SNX24: variants seen among roughly 807,000 people sequenced by gnomAD.
SNX24 encodes the protein sorting nexin-24.
Under a neutral mutation model 28.7 loss-of-function variants are expected in SNX24, and 22 were observed. That is an observed-to-expected ratio of 0.77 (90% CI 0.55 to 1.10). The LOEUF (loss-of-function observed/expected upper bound fraction) is 1.10, where lower values mean the gene tolerates loss of function less well. Ranked by LOEUF, SNX24 falls within the 50% of genes least tolerant of loss-of-function variation. The pLI is 0.00. For synonymous variants in SNX24, 69 were observed against 71.5 expected (o/e 0.96, Z 0.18); for missense variants, 221 against 201.1 (o/e 1.10, Z -0.60).
chr5:122,921,802 CA>C (rs1171590484), intron 1 of SNX24, among the ~76,000 whole-genome samples: 71 of 144,620 alleles, frequency 4.9e-4, no homozygotes, highest in African/African-American at 1.4e-3. Context: ...CCCATGGTAA[CA>C]AAAAAAAAAG....
intron 1 of SNX24, among the ~76,000 whole-genome samples, chr5:122,875,268 T>G (rs187838009): frequency 2.8e-4 from 43 of 152,310 alleles, no homozygotes; most frequent in African/African-American, 9.6e-4. Flanking sequence ...AACTGATTAA[T>G]GATATAATTT....
intron 1 of SNX24, among the ~76,000 whole-genome samples, chr5:122,897,221 A>G (rs1277204869): frequency 6.6e-6 from 1 of 152,170 alleles, no homozygotes; most frequent in Non-Finnish European, 1.5e-5. Context: ...GAAATCAAAG[A>G]TGTCATTAGA....
intron 3 of SNX24, among the ~76,000 whole-genome samples, chr5:122,993,956 C>T (rs760581660): frequency 2.6e-5 from 4 of 152,138 alleles, no homozygotes; most frequent in Non-Finnish European, 5.9e-5. Flanking sequence ...TCTTGTAAAC[C>T]TCTTGACTTA....
downstream of SNX24, among the ~76,000 whole-genome samples, chr5:123,012,667 T>C (rs985882125): frequency 3.0e-4 from 46 of 152,204 alleles, no homozygotes; most frequent in Non-Finnish European, 6.3e-4. Flanking sequence ...CATGTATATT[T>C]TACCACAATA....
intron 1 of SNX24, among the ~76,000 whole-genome samples, chr5:122,896,164 A>G (rs950572583): frequency 3.3e-5 from 5 of 152,184 alleles, no homozygotes; most frequent in Non-Finnish European, 7.3e-5. Context: ...ACAAACAAAC[A>G]TATAGAAGCA....
chr5:122,986,102 G>A (rs1404784221), intron 3 of SNX24, among the ~76,000 whole-genome samples: 5 of 152,200 alleles, frequency 3.3e-5, no homozygotes, highest in Non-Finnish European at 5.9e-5. Context: ...CAGATGGGTG[G>A]ATGTGGCTAT....
At chr5:122,973,730 TG>T in intron 3 of SNX24, among the ~76,000 whole-genome samples, 1 of 152,326 alleles carries the variant, frequency 6.6e-6, no homozygotes, top group East Asian at 1.9e-4. Context: ...TCAGGTTGCA[TG>T]GTAAGTTGGC....
chr5:122,865,465 G>T (rs150434585), intron 1 of SNX24, among the ~76,000 whole-genome samples: 4,259 of 152,152 alleles, frequency 0.028, 173 homozygotes, highest in African/African-American at 0.084. Flanking sequence ...TGAGTAGCTG[G>T]GATTACAGGT....
At chr5:123,011,617 CAAG>C (rs546472222), downstream of SNX24, among the ~76,000 whole-genome samples, 2 of 152,162 alleles carry the variant, frequency 1.3e-5, no homozygotes, top group Admixed American at 6.5e-5. Context: ...AGTGCTGCAT[CAAG>C]AAGAATTCTG....
At chr5:122,873,203 G>A (rs1362334628) in intron 1 of SNX24, among the ~76,000 whole-genome samples, 2 of 151,968 alleles carry the variant, frequency 1.3e-5, no homozygotes, top group East Asian at 1.9e-4. Flanking sequence ...TCAAACTCCC[G>A]GGCTTGAGTA....
At chr5:122,897,636 C>T (rs1023974687) in intron 1 of SNX24, among the ~76,000 whole-genome samples, 1 of 152,132 alleles carries the variant, frequency 6.6e-6, no homozygotes, top group Admixed American at 6.5e-5. Context: ...AAAAAATTAA[C>T]GTGCAATGAA....
intron 5 of SNX24, among the ~76,000 whole-genome samples, chr5:123,019,098 T>C (rs139067919): frequency 5.3e-5 from 8 of 152,306 alleles, no homozygotes; most frequent in Non-Finnish European, 1.2e-4. Context: ...CCAGTTGTTT[T>C]TCCACCACTC....
At chr5:122,874,764 AGGCCCCTGGCCCTACCACG>A (rs1447054584) in intron 1 of SNX24, among the ~76,000 whole-genome samples, 6 of 152,216 alleles carry the variant, frequency 3.9e-5, no homozygotes, top group Non-Finnish European at 8.8e-5. Context: ...AAACCTGGAC[AGGCCCCTGGCCCTACCACG>A]GGCTAACCAT....
At chr5:123,029,148 G>C (rs1408858120) in intron 5 of SNX24, 1 of 1,378,094 alleles carries the variant, frequency 7.3e-7, no homozygotes, top group Non-Finnish European at 9.9e-7. Context: ...TAAGGGCACT[G>C]AGTGCCCAAA....
At chr5:122,892,151 G>A (rs1252536398) in intron 1 of SNX24, among the ~76,000 whole-genome samples, 1 of 152,074 alleles carries the variant, frequency 6.6e-6, no homozygotes, top group Admixed American at 6.6e-5. Context: ...ACCTTTTGCT[G>A]TTTGTTTTAT....
At chr5:122,984,112 T>G (rs1761499250) in intron 3 of SNX24, among the ~76,000 whole-genome samples, 1 of 152,338 alleles carries the variant, frequency 6.6e-6, no homozygotes, top group Admixed American at 6.5e-5. Flanking sequence ...CACAGATCCA[T>G]CACTCTTCTC....
At chr5:122,895,836 GTACAGAAATGA>G (rs1757176419) in intron 1 of SNX24, among the ~76,000 whole-genome samples, 1 of 152,214 alleles carries the variant, frequency 6.6e-6, no homozygotes, top group Non-Finnish European at 1.5e-5. Context: ...AAATGCAGCA[GTACAGAAATGA>G]TACAGAAATA....
chr5:122,849,739 T>A (rs1754808870), intron 1 of SNX24, among the ~76,000 whole-genome samples: 1 of 152,168 alleles, frequency 6.6e-6, no homozygotes, highest in South Asian at 2.1e-4. Flanking sequence ...TTATTTAATA[T>A]CCTCTGCTAT....
chr5:122,974,598 A>G (rs1260197708), intron 3 of SNX24, among the ~76,000 whole-genome samples: 2 of 152,264 alleles, frequency 1.3e-5, no homozygotes, highest in Admixed American at 6.5e-5. Flanking sequence ...CACATCTGGT[A>G]CAGCAGCTGC....
Sources: gnomAD v4.1 joint callset for allele counts (sites outside exome capture counted in the v4.1 genomes callset) on GRCh38, gnomAD v4.1.1 for gene constraint, MANE v1.5 for transcripts, NCBI Gene and HGNC (gene_info 2026-07-23, HGNC 2026-07-21) for gene names.